The following DNAAF4 variants were observed in gnomAD, a reference collection of about 807,000 sequenced individuals.
DNAAF4 encodes the protein dynein assembly factor 4, axonemal.
A neutral mutation model predicts 51.8 loss-of-function variants in DNAAF4; 43 were observed. The ratio of observed to expected loss-of-function variants is 0.83; its 90% CI spans 0.65 to 1.07. DNAAF4 has a LOEUF of 1.07. Ranked by LOEUF, DNAAF4 falls within the 50% of genes least tolerant of loss-of-function variation. The pLI is 0.00. For missense variants in DNAAF4, 581 were observed against 493.0 expected, an observed-to-expected ratio of 1.18 and a Z score of -1.69; for synonymous variants, 194 against 165.6, an observed-to-expected ratio of 1.17 and a Z score of -1.32.
At position 55,498,409 on chromosome 15, in the gene DNAAF4, G is replaced by C; in HGVS notation, c.-80C>G. The C allele has an allele frequency of 6.5e-7, 1 of 1,536,144 alleles. No homozygotes were observed. Among genetic ancestry groups the C allele is most frequent in the Non-Finnish European group, 8.8e-7 (1 of 1,142,742 alleles). On this transcript the variant is annotated 5_prime_UTR_variant, in exon 2 of 10. Transcript: ENST00000321149. ...TTGCTAGGGAAGCTGGGGTTACCAT[G>C]CGCCAGCCCTTCCGGGTCAGGCCGG...
intron 5 of DNAAF4, 92 bp downstream of exon 5, chr15:55,466,838 C>T (rs2058177595): frequency 6.8e-7 from 1 of 1,477,284 alleles, no homozygotes; most frequent in African/African-American, 1.4e-5. Context: ...AAACAGTAAC[C>T]TAATGCTGTG....
At chr15:55,453,820 G>A (rs1351151156) in intron 5 of DNAAF4, among the ~76,000 whole-genome samples, 1 of 151,912 alleles carries the variant, frequency 6.6e-6, no homozygotes, top group Non-Finnish European at 1.5e-5. Flanking sequence ...AAAGTGCTGG[G>A]ATTACAGGCA....
chr15:55,437,421 G>T (rs2057630992), intron 7 of DNAAF4, among the ~76,000 whole-genome samples: 1 of 151,542 alleles, frequency 6.6e-6, no homozygotes, highest in African/African-American at 2.4e-5. Context: ...ACAATCCCTG[G>T]TGTTGTAACA....
chr15:55,459,173 C>T (rs538646173), intron 5 of DNAAF4, among the ~76,000 whole-genome samples: 2 of 151,832 alleles, frequency 1.3e-5, no homozygotes, highest in Non-Finnish European at 2.9e-5. Flanking sequence ...AGAAGCCCTG[C>T]AAGCCAGAAG....
chr15:55,472,380 G>C (rs1268484001), intron 4 of DNAAF4, among the ~76,000 whole-genome samples: 1 of 152,252 alleles, frequency 6.6e-6, no homozygotes, highest in Non-Finnish European at 1.5e-5. Context: ...CACTTTGGGA[G>C]GCCCAGGCAG....
intron 6 of DNAAF4, among the ~76,000 whole-genome samples, chr15:55,440,287 G>A (rs980770557): frequency 6.6e-6 from 1 of 152,040 alleles, no homozygotes; most frequent in South Asian, 2.1e-4. Flanking sequence ...ACATGACCTC[G>A]TGATCCACCC....
chr15:55,453,753 G>T (rs549871429), intron 5 of DNAAF4, among the ~76,000 whole-genome samples: 7 of 151,032 alleles, frequency 4.6e-5, no homozygotes, highest in Non-Finnish European at 1.0e-4. Context: ...GGTTTCACCG[G>T]GTTAGCCAGG....
chr15:55,489,674 CAAAAAAA>C (rs756823133), intron 4 of DNAAF4, among the ~76,000 whole-genome samples: 2 of 80,838 alleles, frequency 2.5e-5, no homozygotes, highest in Non-Finnish European at 2.7e-5. Context: ...GACACCATTT[CAAAAAAA>C]AAAAAAAAAA....
intron 5 of DNAAF4, among the ~76,000 whole-genome samples, chr15:55,465,391 T>TACACACACAC (rs1225166580): frequency 9.3e-4 from 137 of 147,938 alleles, no homozygotes; most frequent in African/African-American, 2.8e-3. Flanking sequence ...ATGGTGTATA[T>TACACACACAC]ATACACACAC....
At chr15:55,420,875 G>T (rs544174180) in intron 7 of DNAAF4, among the ~76,000 whole-genome samples, 2 of 152,104 alleles carry the variant, frequency 1.3e-5, no homozygotes, top group South Asian at 2.1e-4. Flanking sequence ...GCACTGTTCG[G>T]TCATTTTTGT....
At chr15:55,444,238 A>C (rs1049669898) in intron 6 of DNAAF4, among the ~76,000 whole-genome samples, 1 of 152,154 alleles carries the variant, frequency 6.6e-6, no homozygotes, top group Non-Finnish European at 1.5e-5. Context: ...TAAGGAAGGG[A>C]TCCAGTTTCA....
At chr15:55,453,134 C>G (rs887988008) in intron 5 of DNAAF4, among the ~76,000 whole-genome samples, 2 of 152,048 alleles carry the variant, frequency 1.3e-5, no homozygotes, top group African/African-American at 4.8e-5. Flanking sequence ...GGGCATCACT[C>G]TTAGTGAAAA....
chr15:55,445,764 C>T (rs2057791440), intron 6 of DNAAF4, among the ~76,000 whole-genome samples: 1 of 150,102 alleles, frequency 6.7e-6, no homozygotes, highest in Non-Finnish European at 1.5e-5. Flanking sequence ...TCCCCACTTC[C>T]CAGACGGGGT....
At chr15:55,504,994 A>C (rs2058719115) in intron 1 of DNAAF4, among the ~76,000 whole-genome samples, 1 of 152,082 alleles carries the variant, frequency 6.6e-6, no homozygotes. Context: ...AACCTACAGA[A>C]TGGGAGAAAA....
chr15:55,435,119 A>G, intron 7 of DNAAF4, 61 bp from the exon 8 acceptor site: 3 of 1,514,512 alleles, frequency 2.0e-6, no homozygotes, highest in Non-Finnish European at 1.8e-6. Context: ...CACAGAAATA[A>G]TATCTAATTG....
chr15:55,491,267 C>T lies in DNAAF4; in HGVS notation c.272-11G>A, dbSNP rs1460460067. ...TCATCTCTTTGTCAACTAAAATGTACAGAATATTGCTAAATTAGAATTATG... is the reference window on the plus strand; with the variant it reads ...TCATCTCTTTGTCAACTAAAATGTATAGAATATTGCTAAATTAGAATTATG... On this transcript the variant is annotated splice_polypyrimidine_tract_variant and intron_variant, in intron 3 of 9. Coordinates refer to ENST00000321149, the MANE Select transcript of DNAAF4 (RefSeq NM_130810.4). 4.4e-6 allele frequency: 7 copies of T among 1,601,504 alleles called. No homozygotes were observed. In the South Asian group the frequency reaches 6.8e-5, roughly 15 times the overall value.
intron 7 of DNAAF4, among the ~76,000 whole-genome samples, chr15:55,419,421 G>T (rs997902219): frequency 4.6e-5 from 7 of 151,622 alleles, no homozygotes; most frequent in African/African-American, 1.5e-4. Context: ...GTGTGTGTGT[G>T]TAGATGGAGT....
At chr15:55,451,397 G>C (rs2057930037) in intron 5 of DNAAF4, among the ~76,000 whole-genome samples, 1 of 152,110 alleles carries the variant, frequency 6.6e-6, no homozygotes, top group South Asian at 2.1e-4. Context: ...TTATATCCAA[G>C]TTAACTGTTG....
chr15:55,505,772 G>A (rs12595167), intron 1 of DNAAF4, among the ~76,000 whole-genome samples: 19,315 of 151,786 alleles, frequency 0.13, 1,702 homozygotes, highest in African/African-American at 0.25. Flanking sequence ...GTTGAGAGGT[G>A]GGGGGGCTGG....
Sources: allele counts gnomAD v4.1 joint callset (sites outside exome capture counted in the v4.1 genomes callset), GRCh38; gene constraint gnomAD v4.1.1; transcripts MANE v1.5; gene names NCBI Gene and HGNC (gene_info 2026-07-23, HGNC 2026-07-21).